WDR75: variants seen among roughly 807,000 people sequenced by gnomAD.
WDR75 encodes WD repeat domain 75, also known as WD repeat-containing protein 75.
In WDR75, 52 loss-of-function variants were observed where a neutral mutation model predicts 106.1. The ratio of observed to expected loss-of-function variants is 0.49; its 90% confidence interval spans 0.39 to 0.62. The LOEUF is 0.62. Ranked by LOEUF, WDR75 falls within the 20% of genes least tolerant of loss-of-function variation. The probability of loss-of-function intolerance (pLI) is 0.00; values close to 1 mark genes in which losing one functional copy is unlikely to be tolerated. For synonymous variants in WDR75, 333 were observed against 335.5 expected, an observed-to-expected ratio of 0.99 and a Z score of 0.08; for missense variants, 905 against 970.3, an observed-to-expected ratio of 0.93 and a Z score of 0.89.
At chr2:189,450,994 G>A (rs10202780) in intron 3 of WDR75, 26 bp downstream of exon 3, 29 of 1,576,200 alleles carry the variant, frequency 1.8e-5, no homozygotes, top group Middle Eastern at 1.7e-4. Flanking sequence ...TTTACTTTTC[G>A]TTATGTGAAT....
intron 2 of WDR75, chr2:189,450,691 T>TAAAAG: frequency 7.3e-7 from 1 of 1,361,090 alleles, no homozygotes; most frequent in Non-Finnish European, 9.4e-7. Flanking sequence ...CTCTCTCTTT[T>TAAAAG]AGTTAAAACT....
At chr2:189,451,102 A>T in intron 3 of WDR75, 134 bp downstream of exon 3, 2 of 1,174,088 alleles carry the variant, frequency 1.7e-6, no homozygotes, top group Non-Finnish European at 2.2e-6. Context: ...ACATCAAAAA[A>T]ATTAATTTGA....
intron 8 of WDR75, among the ~76,000 whole-genome samples, chr2:189,460,621 C>T (rs1221161324): frequency 2.6e-5 from 4 of 151,916 alleles, no homozygotes; most frequent in African/African-American, 9.7e-5. Flanking sequence ...CCTCCCACCT[C>T]AGCCCCCTAA....
chr2:189,462,960 G>T (rs2105566528), intron 9 of WDR75, among the ~76,000 whole-genome samples: 1 of 152,274 alleles, frequency 6.6e-6, no homozygotes, highest in East Asian at 1.9e-4. Context: ...GTGGACATTG[G>T]TGCTTTCATA....
chr2:189,463,778 G>T, intron 10 of WDR75, 25 bp downstream of exon 10: 1 of 1,613,616 alleles, frequency 6.2e-7, no homozygotes, highest in Non-Finnish European at 8.5e-7. Context: ...AGTGGATTTG[G>T]AATCATGAAC....
chr2:189,462,734 AAG>A, intron 9 of WDR75, 92 bp downstream of exon 9: 1 of 1,243,090 alleles, frequency 8.0e-7, no homozygotes, highest in Non-Finnish European at 1.1e-6. Flanking sequence ...ACCTAAAACT[AAG>A]AGTAGCGTAT....
intron 18 of WDR75, among the ~76,000 whole-genome samples, chr2:189,471,151 C>G (rs1001024489): frequency 2.0e-5 from 3 of 152,056 alleles, no homozygotes; most frequent in Non-Finnish European, 4.4e-5. Context: ...CTACCATTAC[C>G]CACAAAGACA....
At chr2:189,474,381 A>G (rs1687172034) in intron 19 of WDR75, 49 bp downstream of exon 19, 6 of 1,562,068 alleles carry the variant, frequency 3.8e-6, no homozygotes, top group Non-Finnish European at 5.2e-6. Flanking sequence ...CACTTAAAGC[A>G]CCTGAAGTTG....
chr2:189,450,726 C>T (rs1203214933), intron 2 of WDR75, 177 bp from the exon 3 acceptor site: 4 of 1,402,442 alleles, frequency 2.9e-6, no homozygotes, highest in Admixed American at 3.6e-5. Flanking sequence ...CTGCTTCTTG[C>T]AGAAAGCTGT....
In WDR75 at chr2:189,468,527, G is replaced by A. The variant is rs1687051351; in HGVS notation, c.1681G>A (p.Glu561Lys). ...TTCAAAGTATCTACTTGGTGCTACT[G>A]AAAATGGCATTCTTTGCTGTTGGAA... ...TCSKYLLGAT[E>K]NGILCCWNLL... The change falls in exon 15 of 21, where the codon GAA becomes AAA. Residue 561 changes from glutamate (E) to lysine (K), a missense_variant. Glu to Lys is a moderately conservative substitution (Grantham distance 56). Coordinates refer to ENST00000314761, the MANE Select transcript of WDR75 (RefSeq NM_032168.3). The A allele has an allele frequency of 6.2e-7, 1 of 1,613,260 alleles. No individual in the cohort carries two copies. The highest frequency in any genetic ancestry group is 8.5e-7 in the Non-Finnish European group (1 of 1,179,478).
chr2:189,447,122 G>T (rs1299796271), intron 1 of WDR75, among the ~76,000 whole-genome samples: 1 of 152,200 alleles, frequency 6.6e-6, no homozygotes, highest in African/African-American at 2.4e-5. Flanking sequence ...GATCTTGACT[G>T]TAGGTAATTA....
chr2:189,463,162 A>G (rs940233771), intron 9 of WDR75, among the ~76,000 whole-genome samples: 4 of 152,222 alleles, frequency 2.6e-5, no homozygotes, highest in Non-Finnish European at 5.9e-5. Context: ...AAAAAAGAAC[A>G]TAACTGTGAG....
At chr2:189,464,505 G>C (rs370492658) in intron 11 of WDR75, among the ~76,000 whole-genome samples, 1 of 152,012 alleles carries the variant, frequency 6.6e-6, no homozygotes, top group Non-Finnish European at 1.5e-5. Flanking sequence ...AAAAAAGGAA[G>C]CATATTAATC....
intron 8 of WDR75, 76 bp from the exon 9 acceptor site, chr2:189,462,406 CAA>C (rs1686908658): frequency 6.6e-7 from 1 of 1,523,612 alleles, no homozygotes. Flanking sequence ...GTAGCAAAAA[CAA>C]AAGTGTTAAT....
intron 12 of WDR75, among the ~76,000 whole-genome samples, 187 bp from the exon 13 acceptor site, chr2:189,466,238 T>C (rs552883807): frequency 6.6e-6 from 1 of 152,188 alleles, no homozygotes; most frequent in South Asian, 2.1e-4. Flanking sequence ...AGGGCAAAGG[T>C]GATATATTAG....
chr2:189,461,251 A>C (rs1331933451), intron 8 of WDR75, among the ~76,000 whole-genome samples: 2 of 152,226 alleles, frequency 1.3e-5, no homozygotes, highest in African/African-American at 4.8e-5. Context: ...AAACAGTCTG[A>C]AACAGTGTCC....
chr2:189,454,695 G>A (rs929712706), intron 4 of WDR75, among the ~76,000 whole-genome samples: 1 of 151,662 alleles, frequency 6.6e-6, no homozygotes, highest in African/African-American at 2.4e-5. Context: ...CTAATTTTTT[G>A]TATTTTTTTA....
Position 189,462,561 on chromosome 2 carries a change from C to G in WDR75, c.856C>G (p.Leu286Val), listed in dbSNP as rs1686915064. ...RDATEKNKEF[L>V]PRLGATIEHI... ...TGCAACAGAGAAGAATAAGGAGTTT[C>G]TCCCGCGTTTAGGAGCTACTATTGA... The change falls in exon 9 of 21, where the codon CTC (leucine) becomes GTC (valine). Residue 286 changes from leucine to valine, a missense_variant. Physicochemically the swap from Leu to Val is conservative, Grantham distance 32. Transcript: ENST00000314761. 1.2e-6 allele frequency: 2 copies of G among 1,613,938 alleles called. No individual in the cohort carries two copies.
At chr2:189,469,854 G>T (rs931350538) in intron 16 of WDR75, among the ~76,000 whole-genome samples, 19 of 152,040 alleles carry the variant, frequency 1.2e-4, no homozygotes, top group African/African-American at 4.6e-4. Context: ...TCTGGAGCAC[G>T]AATTCTTCTT....
Sources: gnomAD v4.1 joint callset for allele counts (sites outside exome capture counted in the v4.1 genomes callset) on GRCh38, gnomAD v4.1.1 for gene constraint, MANE v1.5 for transcripts, NCBI Gene and HGNC (gene_info 2026-07-23, HGNC 2026-07-21) for gene names.